Variants in GBE1 observed in about 807,000 individuals in gnomAD.
GBE1 encodes 1,4-alpha-glucan-branching enzyme.
A neutral mutation model predicts 88.8 loss-of-function variants in GBE1; 70 were observed. The ratio of observed to expected loss-of-function variants is 0.79; its 90% CI spans 0.65 to 0.96. The LOEUF (loss-of-function observed/expected upper bound fraction) is 0.96, where lower values mean the gene tolerates loss of function less well. Among genes scored for constraint, GBE1 ranks in the 40% least tolerant of loss-of-function variants. GBE1 has a pLI of 0.00. For missense variants in GBE1, 872 were observed against 871.0 expected (o/e 1.00, Z -0.01); for synonymous variants, 284 against 300.1 (o/e 0.95, Z 0.56).
chr3:81,662,558 C>T (rs1358289337), intron 3 of GBE1, among the ~76,000 whole-genome samples: 4 of 151,648 alleles, frequency 2.6e-5, no homozygotes, highest in African/African-American at 9.7e-5. Context: ...TTTACTCAAG[C>T]CTCTGATCTT....
intron 2 of GBE1, among the ~76,000 whole-genome samples, chr3:81,700,902 A>C (rs1041899697): frequency 6.6e-6 from 1 of 152,188 alleles, no homozygotes; most frequent in African/African-American, 2.4e-5. Context: ...ATTTTAAATG[A>C]AATGCTTTCC....
chr3:81,620,310 G>C lies in GBE1; in HGVS notation c.992+22471C>G, dbSNP rs542018529. Among the ~76,000 whole-genome samples the C allele has an allele frequency of 4.0e-5, 6 of 151,890 alleles. No homozygotes were observed. The South Asian group carries it at 1.2e-3, about 32-fold the overall frequency. On this transcript the variant is annotated intron_variant, in intron 7 of 15. Transcript: ENST00000429644. Reference sequence around the variant, plus strand: ...TGATTCTCCTGCCTCAACCTCCTGAGTAGCTGGGATTACAGGGGCCTGCCA... The same window carrying C: ...TGATTCTCCTGCCTCAACCTCCTGACTAGCTGGGATTACAGGGGCCTGCCA...
Position 81,648,968 on chromosome 3 carries a change from C to T in GBE1, c.579G>A (p.Lys193=), listed in dbSNP as rs17019144. The T allele has an allele frequency of 0.042, 66,235 of 1,584,236 alleles. 3,145 individuals carry two copies. The highest frequency in any genetic ancestry group is 0.23 in the African/African-American group (16,547 of 73,484). The change falls in exon 5 of 16, where the codon AAG becomes AAA. Residue 193 remains lysine (K), a synonymous_variant. Transcript: ENST00000429644. ...ATTCATAAATTCTTAGACTCCGTGGCTTCTTTGGTCTGGAATGCTTAAACT... is the reference window on the plus strand; with the variant it reads ...ATTCATAAATTCTTAGACTCCGTGGTTTCTTTGGTCTGGAATGCTTAAACT... The part of the protein sequence containing the change: ...SYEFKHSRPK[K]PRSLRIYESH...
intron 9 of GBE1, among the ~76,000 whole-genome samples, chr3:81,590,300 A>G (rs535183945): frequency 6.6e-6 from 1 of 152,204 alleles, no homozygotes; most frequent in African/African-American, 2.4e-5. Context: ...TACTATTTTT[A>G]TATCTCAACC....
At chr3:81,651,221 T>G (rs1424747803) in intron 3 of GBE1, among the ~76,000 whole-genome samples, 1 of 152,312 alleles carries the variant, frequency 6.6e-6, no homozygotes, top group East Asian at 1.9e-4. Flanking sequence ...CAGAAAATCT[T>G]TGTGACCTAA....
chr3:81,602,630 C>T (rs1704049031), intron 7 of GBE1, among the ~76,000 whole-genome samples: 1 of 152,028 alleles, frequency 6.6e-6, no homozygotes, highest in African/African-American at 2.4e-5. Context: ...GGAGCCCTCC[C>T]AAAGGCCCCA....
At chr3:81,526,921 A>G (rs899729857) in intron 14 of GBE1, among the ~76,000 whole-genome samples, 9 of 152,136 alleles carry the variant, frequency 5.9e-5, no homozygotes, top group African/African-American at 2.2e-4. Context: ...AGTCAATCCT[A>G]AGTCAAAAGA....
intron 2 of GBE1, among the ~76,000 whole-genome samples, chr3:81,673,661 A>C (rs1371555109): frequency 1.3e-5 from 2 of 151,948 alleles, no homozygotes; most frequent in Non-Finnish European, 2.9e-5. Flanking sequence ...TAAATAAGCA[A>C]AGTATTAATA....
rs551643952 is a variant in GBE1 at position 81,733,556 on chromosome 3, C to T, written c.143+27819G>A. 6.6e-6 allele frequency among the ~76,000 whole-genome samples: 1 copy of T among 152,136 alleles called. No homozygotes were observed. The highest frequency in any genetic ancestry group is 2.1e-4 in the South Asian group (1 of 4,824). On this transcript the variant is annotated intron_variant, in intron 1 of 15. Coordinates refer to ENST00000429644, the MANE Select transcript of GBE1 (RefSeq NM_000158.4). The surrounding 1 kb of genome is among the most constrained non-coding windows in gnomAD (Gnocchi z 4.0). ...CCTGTGTAGAGGCTTTTGCACTGGC[C>T]ATTTCTTAGGTCTGGTACACTCTTC...
intron 7 of GBE1, among the ~76,000 whole-genome samples, chr3:81,609,200 C>A (rs1348686946): frequency 3.9e-5 from 6 of 152,116 alleles, no homozygotes; most frequent in African/African-American, 1.4e-4. Context: ...CCTTCTTGTG[C>A]CTGTTTTTCA....
chr3:81,496,834 C>T (rs1042057327), intron 15 of GBE1, among the ~76,000 whole-genome samples: 1 of 152,150 alleles, frequency 6.6e-6, no homozygotes, highest in Non-Finnish European at 1.5e-5. Flanking sequence ...AACGAGTGAT[C>T]TTATCATCTG....
At position 81,522,260 on chromosome 3, in the gene GBE1, G is replaced by A. The variant is rs189564798; in HGVS notation, c.1934+12935C>T. 6.6e-5 allele frequency among the ~76,000 whole-genome samples: 10 copies of A among 151,614 alleles called. No homozygotes were observed. In the East Asian group the frequency reaches 1.4e-3, roughly 21 times the overall value. On this transcript the variant is annotated intron_variant, in intron 14 of 15. Coordinates refer to ENST00000429644, the MANE Select transcript of GBE1 (RefSeq NM_000158.4). Reference sequence around the variant, plus strand: ...TAGCCTCAGAGTACAGAACTAATGCGTTGATTTTAAGATAACATTTTTATT... The same window carrying A: ...TAGCCTCAGAGTACAGAACTAATGCATTGATTTTAAGATAACATTTTTATT...
intron 1 of GBE1, among the ~76,000 whole-genome samples, chr3:81,715,027 T>C (rs998917770): frequency 2.0e-5 from 3 of 152,188 alleles, no homozygotes; most frequent in African/African-American, 7.2e-5. Context: ...TCAACATTTA[T>C]GGTCTGAGTG....
At chr3:81,702,336 GTT>G (rs1480992451) in intron 2 of GBE1, among the ~76,000 whole-genome samples, 1 of 151,740 alleles carries the variant, frequency 6.6e-6, no homozygotes, top group Non-Finnish European at 1.5e-5. Context: ...TTTTCAAATT[GTT>G]TGTTTTTGAA....
intron 12 of GBE1, among the ~76,000 whole-genome samples, chr3:81,572,690 G>A (rs905829965): frequency 3.3e-5 from 5 of 152,058 alleles, no homozygotes; most frequent in Non-Finnish European, 2.9e-5. Flanking sequence ...TATTTAAAAT[G>A]AATTAAATAT....
At position 81,581,208 on chromosome 3, in the gene GBE1, C is replaced by T. The variant is rs766154729; in HGVS notation, c.1403G>A (p.Arg468His). Reference protein sequence around the residue: ...GDIVYTLTNRRYLEKCIAYAE... With the variant: ...GDIVYTLTNRHYLEKCIAYAE... ...ATAAGCAATGCACTTTTCAAGGTAGCGCCTGTTTGTGAGCGTGTATACTAT... is the reference window on the plus strand; with the variant it reads ...ATAAGCAATGCACTTTTCAAGGTAGTGCCTGTTTGTGAGCGTGTATACTAT... The change falls in exon 11 of 16, where the codon CGC (arginine) becomes CAC (histidine). Residue 468 changes from arginine (R) to histidine (H), a missense_variant. Physicochemically the swap from Arg to His is conservative, Grantham distance 29. Coordinates refer to ENST00000429644, the MANE Select transcript of GBE1 (RefSeq NM_000158.4). The T allele has an allele frequency of 7.5e-6, 12 of 1,605,744 alleles. No homozygotes were observed. The highest frequency in any genetic ancestry group is 1.6e-4 in the Middle Eastern group (1 of 6,072).
At chr3:81,534,326 T>C (rs1703045948) in intron 14 of GBE1, among the ~76,000 whole-genome samples, 1 of 152,070 alleles carries the variant, frequency 6.6e-6, no homozygotes, top group Non-Finnish European at 1.5e-5. Flanking sequence ...AAAAGCTCTA[T>C]GACGGCAGTG....
chr3:81,671,442 A>G (rs1705188085), intron 2 of GBE1, among the ~76,000 whole-genome samples: 1 of 152,198 alleles, frequency 6.6e-6, no homozygotes, highest in South Asian at 2.1e-4. Flanking sequence ...AGAAGGTTAT[A>G]TAAAGTATAG....
intron 1 of GBE1, among the ~76,000 whole-genome samples, chr3:81,737,570 G>A (rs570914064): frequency 6.6e-5 from 10 of 150,820 alleles, no homozygotes; most frequent in South Asian, 4.2e-4. Context: ...CTGAAATTGA[G>A]AGTAAGCATT....
Sources: allele counts gnomAD v4.1 joint callset (sites outside exome capture counted in the v4.1 genomes callset), GRCh38; gene constraint gnomAD v4.1.1; non-coding constraint Gnocchi (gnomAD v3.1); transcripts MANE v1.5; gene names NCBI Gene and HGNC (gene_info 2026-07-23, HGNC 2026-07-21).